The following BAIAP2L1 variants were observed in gnomAD, a reference collection of about 807,000 sequenced individuals.
The protein encoded by BAIAP2L1 is BAR/IMD domain-containing adapter protein 2-like 1.
A neutral mutation model predicts 66.3 loss-of-function variants in BAIAP2L1; 35 were observed. The observed-to-expected ratio is 0.53, with a 90% CI of 0.40 to 0.70. BAIAP2L1 has a LOEUF of 0.70. Among genes scored for constraint, BAIAP2L1 ranks in the 30% least tolerant of loss-of-function variants. The pLI, the probability that BAIAP2L1 is intolerant of heterozygous loss-of-function variation, is 0.00. For synonymous variants in BAIAP2L1, 269 were observed against 248.7 expected (o/e 1.08, Z -0.77); for missense variants, 622 against 656.9 (o/e 0.95, Z 0.58).
intron 1 of BAIAP2L1, among the ~76,000 whole-genome samples, chr7:98,389,414 G>A (rs1040443487): frequency 3.9e-5 from 6 of 152,024 alleles, no homozygotes; most frequent in Non-Finnish European, 4.4e-5. Flanking sequence ...CGCCTCCCAG[G>A]TTCAAGCAAT....
At chr7:98,394,364 C>T (rs1803150381) in intron 1 of BAIAP2L1, among the ~76,000 whole-genome samples, 1 of 152,146 alleles carries the variant, frequency 6.6e-6, no homozygotes, top group Non-Finnish European at 1.5e-5. Flanking sequence ...TAGTGACTAC[C>T]ACAACTGTAT....
rs115331230 is a variant in BAIAP2L1, at chr7:98,375,265, G to A, written c.52-12833C>T. On this transcript the variant is annotated intron_variant, in intron 1 of 13. Coordinates refer to ENST00000005260, the MANE Select transcript of BAIAP2L1 (RefSeq NM_018842.5). ...AAAACTTAGTTGGGCCTGGTGGTGA[G>A]AGCCTGTAATCCCAGCTACTCGGGA... Among the ~76,000 whole-genome samples the A allele has an allele frequency of 3.3e-3, 500 of 151,708 alleles. 3 individuals are homozygous for A. The highest frequency in any genetic ancestry group is 0.011 in the African/African-American group (461 of 41,348).
intron 3 of BAIAP2L1, among the ~76,000 whole-genome samples, chr7:98,339,270 C>T (rs928594935): frequency 9.9e-5 from 15 of 152,052 alleles, no homozygotes; most frequent in African/African-American, 2.7e-4. Flanking sequence ...GCATCTTTGC[C>T]AACACTTGTT....
At chr7:98,319,132 G>A (rs961492264) in intron 5 of BAIAP2L1, among the ~76,000 whole-genome samples, 7 of 152,128 alleles carry the variant, frequency 4.6e-5, no homozygotes, top group African/African-American at 1.7e-4. Flanking sequence ...GATGATTCCA[G>A]GGCAACTCGC....
At position 98,333,852 on chromosome 7, in the gene BAIAP2L1, T is replaced by G. The variant is rs189694818; in HGVS notation, c.215-13554A>C. ...TCCCTGGCTCACGGCTCCACGATGG[T>G]GCCAAGGCTCATGTGTGGAATGTTA... On this transcript the variant is annotated intron_variant, in intron 3 of 13. Coordinates refer to ENST00000005260, the MANE Select transcript of BAIAP2L1 (RefSeq NM_018842.5). Among the ~76,000 whole-genome samples, 363 of 151,312 alleles carry G rather than the reference T, an allele frequency of 2.4e-3. 3 individuals carry two copies. The highest frequency in any genetic ancestry group is 9.8e-3 in the South Asian group (47 of 4,802).
At chr7:98,306,294 T>C in intron 11 of BAIAP2L1, 145 bp downstream of exon 11, 1 of 986,784 alleles carries the variant, frequency 1.0e-6, no homozygotes, top group Non-Finnish European at 1.5e-6. Flanking sequence ...CAGACAGCAC[T>C]GTGAGCCGCG....
chr7:98,293,561 G>T lies in BAIAP2L1; in HGVS notation c.1496C>A (p.Pro499Gln), dbSNP rs372016426. Reference sequence around the variant, plus strand: ...TGCCGAGCGATCATTCGTCACAGTCGGGCGGAGTTTCACAGTGGCAAAGGG... The same window carrying T: ...TGCCGAGCGATCATTCGTCACAGTCTGGCGGAGTTTCACAGTGGCAAAGGG... ...ENPFATVKLRPTVTNDRSAPI... is the reference protein window; with the variant it reads ...ENPFATVKLRQTVTNDRSAPI... Residue 499 changes from proline to glutamine, a missense_variant, in exon 14 of 14, where the codon CCG becomes CAG. Coordinates refer to ENST00000005260, the MANE Select transcript of BAIAP2L1 (RefSeq NM_018842.5). 11 of 1,613,766 alleles carry T rather than the reference G, an allele frequency of 6.8e-6. No individual in the cohort carries two copies. The highest frequency in any genetic ancestry group is 9.3e-6 in the Non-Finnish European group (11 of 1,179,940).
intron 10 of BAIAP2L1, 121 bp downstream of exon 10, chr7:98,307,568 A>G: frequency 6.7e-7 from 1 of 1,492,442 alleles, no homozygotes; most frequent in East Asian, 2.4e-5. Flanking sequence ...AACTAGAACT[A>G]AACCATAAAC....
intron 1 of BAIAP2L1, among the ~76,000 whole-genome samples, chr7:98,385,184 T>C (rs1366527417): frequency 2.0e-5 from 3 of 151,786 alleles, no homozygotes; most frequent in East Asian, 4.0e-4. Flanking sequence ...GGCAGGGACC[T>C]GTAATCCCAG....
chr7:98,391,919 A>G (rs926206529), intron 1 of BAIAP2L1, among the ~76,000 whole-genome samples: 6 of 152,152 alleles, frequency 3.9e-5, no homozygotes, highest in African/African-American at 1.2e-4. Flanking sequence ...CTAGTTATTA[A>G]TAGGCATGAA....
chr7:98,360,489 T>TA (rs1201936572), intron 2 of BAIAP2L1, among the ~76,000 whole-genome samples: 1 of 152,160 alleles, frequency 6.6e-6, no homozygotes, highest in African/African-American at 2.4e-5. Context: ...ATTCTGGAAA[T>TA]ACCTTCTGAA....
chr7:98,317,123 G>A, intron 6 of BAIAP2L1, 96 bp downstream of exon 6: 4 of 1,497,798 alleles, frequency 2.7e-6, no homozygotes, highest in Non-Finnish European at 3.7e-6. Context: ...AAAGTGCTGG[G>A]ATTACAGGCG....
At chr7:98,361,200 T>C (rs540292804) in intron 2 of BAIAP2L1, among the ~76,000 whole-genome samples, 5 of 151,818 alleles carry the variant, frequency 3.3e-5, no homozygotes, top group South Asian at 2.1e-4. Context: ...CTACTAAAAA[T>C]ACAAAAATTA....
intron 1 of BAIAP2L1, among the ~76,000 whole-genome samples, chr7:98,363,430 GCA>G (rs759328103): frequency 7.9e-5 from 12 of 152,280 alleles, no homozygotes; most frequent in Non-Finnish European, 1.3e-4. Context: ...GGATTAGAAG[GCA>G]CAGTTTCCCT....
chr7:98,306,304 G>A (rs1443265612), intron 11 of BAIAP2L1, 135 bp downstream of exon 11: 11 of 1,054,894 alleles, frequency 1.0e-5, no homozygotes, highest in African/African-American at 7.9e-5. Flanking sequence ...TGTGAGCCGC[G>A]GTCTCATCTC....
At chr7:98,339,785 T>C (rs1215720955) in intron 3 of BAIAP2L1, among the ~76,000 whole-genome samples, 2 of 152,238 alleles carry the variant, frequency 1.3e-5, no homozygotes, top group Non-Finnish European at 2.9e-5. Flanking sequence ...GACCCTTCAC[T>C]GCAGGCCCAG....
intron 1 of BAIAP2L1, among the ~76,000 whole-genome samples, chr7:98,384,574 C>T (rs1198777850): frequency 1.3e-4 from 20 of 152,052 alleles, no homozygotes; most frequent in Admixed American, 1.0e-3. Flanking sequence ...GGAACTTTAT[C>T]GGATCAAAGT....
chr7:98,392,748 ATAGT>A (rs1403063091), intron 1 of BAIAP2L1, among the ~76,000 whole-genome samples: 2 of 152,264 alleles, frequency 1.3e-5, no homozygotes, highest in Non-Finnish European at 2.9e-5. Context: ...AGCGACAGCA[ATAGT>A]TAGTGTTATC....
At chr7:98,329,340 C>A (rs562884496) in intron 3 of BAIAP2L1, among the ~76,000 whole-genome samples, 2 of 152,180 alleles carry the variant, frequency 1.3e-5, no homozygotes, top group Admixed American at 6.5e-5. Context: ...AATGCTGGGG[C>A]CATTCCTGGC....
Sources: gnomAD v4.1 joint callset for allele counts (sites outside exome capture counted in the v4.1 genomes callset) on GRCh38, gnomAD v4.1.1 for gene constraint, MANE v1.5 for transcripts, NCBI Gene and HGNC (gene_info 2026-07-23, HGNC 2026-07-21) for gene names.